The following BTG4 variants were observed in gnomAD, a reference collection of about 807,000 sequenced individuals.
The protein encoded by BTG4 is protein BTG4.
In BTG4, 10 loss-of-function variants were observed where a neutral mutation model predicts 19.3. The observed-to-expected ratio is 0.52, with a 90% CI of 0.32 to 0.88. The LOEUF (loss-of-function observed/expected upper bound fraction) is 0.88. Ranked by LOEUF, BTG4 falls within the 40% of genes least tolerant of loss-of-function variation. The pLI is 0.04. For missense variants in BTG4, 238 were observed against 281.9 expected (o/e 0.84, Z 1.11); for synonymous variants, 91 against 95.7 (o/e 0.95, Z 0.29).
At chr11:111,386,277 A>G in the BTG4 span, 2 of 152,392 alleles carry the variant, frequency 1.3e-5, no homozygotes, top group East Asian at 1.9e-4. Context: ...GCCAAGTTCT[A>G]TTCCAGGCTT....
chr11:111,421,329 A>G, the BTG4 span, among the ~76,000 whole-genome samples: 2 of 152,226 alleles, frequency 1.3e-5, no homozygotes, highest in Non-Finnish European at 2.9e-5. Context: ...TTGCCTCCAT[A>G]CAAAGGAGGA....
the BTG4 span, among the ~76,000 whole-genome samples, chr11:111,438,595 C>T: frequency 1.3e-5 from 2 of 152,188 alleles, no homozygotes; most frequent in Non-Finnish European, 2.9e-5. Flanking sequence ...ACATTTTATT[C>T]ATCTCCATTC....
At chr11:111,429,890 T>C in the BTG4 span, among the ~76,000 whole-genome samples, 8 of 152,322 alleles carry the variant, frequency 5.3e-5, no homozygotes, top group African/African-American at 1.7e-4. Context: ...CATCCCACCA[T>C]CCTTAACACT....
downstream of BTG4, among the ~76,000 whole-genome samples, chr11:111,491,967 A>G (rs1176725584): frequency 2.6e-5 from 4 of 152,102 alleles, no homozygotes; most frequent in Non-Finnish European, 5.9e-5. Context: ...ATTTGCTCAG[A>G]GCCTCCTGAG....
chr11:111,427,113 A>T, the BTG4 span, among the ~76,000 whole-genome samples: 4 of 152,204 alleles, frequency 2.6e-5, no homozygotes, highest in Non-Finnish European at 5.9e-5. Context: ...CTATTGGAAC[A>T]TCTCTTTTCT....
the BTG4 span, chr11:111,451,204 C>T: frequency 6.9e-6 from 2 of 291,332 alleles, no homozygotes; most frequent in African/African-American, 4.3e-5. Flanking sequence ...GCATCAGCCA[C>T]CACTCCCAAA....
At chr11:111,503,913 C>A (rs1866264996) in intron 1 of BTG4, among the ~76,000 whole-genome samples, 1 of 152,008 alleles carries the variant, frequency 6.6e-6, no homozygotes, top group Non-Finnish European at 1.5e-5. Flanking sequence ...TTGGTTTTTG[C>A]TAAACTTCAC....
chr11:111,458,954 C>T, the BTG4 span, among the ~76,000 whole-genome samples: 1 of 152,138 alleles, frequency 6.6e-6, no homozygotes, highest in East Asian at 1.9e-4. Context: ...TAAAATCGTG[C>T]ATACTGGCCG....
chr11:111,480,349 G>A (rs373363564), intron 5 of BTG4, among the ~76,000 whole-genome samples: 4 of 151,992 alleles, frequency 2.6e-5, no homozygotes, highest in East Asian at 3.9e-4. Flanking sequence ...ACAGAGAAAC[G>A]GACAAATCAC....
At chr11:111,438,786 G>T in the BTG4 span, among the ~76,000 whole-genome samples, 2 of 152,146 alleles carry the variant, frequency 1.3e-5, no homozygotes, top group Non-Finnish European at 2.9e-5. Context: ...CAAAAGAGAG[G>T]ATGCTAAAGA....
chr11:111,456,432 AC>A, the BTG4 span: 2 of 437,542 alleles, frequency 4.6e-6, no homozygotes, highest in Non-Finnish European at 9.4e-6. This position sits in a 1 kb window ranked among gnomAD's most constrained non-coding sequence, Gnocchi z 4.2. Flanking sequence ...CCTTCCAGTC[AC>A]CAGCCAAGGG....
intron 1 of BTG4, among the ~76,000 whole-genome samples, chr11:111,506,287 T>C (rs74701565): frequency 0.025 from 3,757 of 152,250 alleles, 88 homozygotes; most frequent in Middle Eastern, 0.085. Flanking sequence ...CACAATGGAA[T>C]ACTACACAAT....
the BTG4 span, among the ~76,000 whole-genome samples, chr11:111,421,450 C>T: frequency 6.6e-6 from 1 of 152,208 alleles, no homozygotes; most frequent in Non-Finnish European, 1.5e-5. Context: ...TTTGCAAAGA[C>T]AAAATTTAGG....
At chr11:111,475,586 GA>G (rs1864353553) in intron 5 of BTG4, among the ~76,000 whole-genome samples, 1 of 152,060 alleles carries the variant, frequency 6.6e-6, no homozygotes, top group Non-Finnish European at 1.5e-5. Context: ...ATCTGAAAGT[GA>G]AGTTTTGGAG....
At chr11:111,419,977 G>C in the BTG4 span, among the ~76,000 whole-genome samples, 144,711 of 152,296 alleles carry the variant, frequency 0.95, 69,223 homozygotes, top group East Asian at 1. Flanking sequence ...GCCAAGACAG[G>C]AGGGAGGTGT....
chr11:111,513,360 G>A (rs1867087933), upstream of BTG4: 3 of 530,380 alleles, frequency 5.7e-6, no homozygotes, highest in Admixed American at 5.8e-5. Context: ...CAACTCAGTT[G>A]AGCTCCAACT....
intron 2 of BTG4, 132 bp from the exon 3 acceptor site, chr11:111,498,267 C>A: frequency 1.1e-6 from 1 of 936,588 alleles, no homozygotes. Context: ...TCAGCCTCCT[C>A]CACCCTCCAC....
intron 5 of BTG4, chr11:111,469,793 G>A (rs1471026973): frequency 6.5e-6 from 1 of 152,684 alleles, no homozygotes; most frequent in African/African-American, 2.4e-5. Flanking sequence ...CAAGGGCCTG[G>A]AGGCCTATTT....
chr11:111,513,088 T>G (rs72550779), upstream of BTG4: 11,241 of 436,682 alleles, frequency 0.026, 242 homozygotes, highest in Middle Eastern at 0.083. Flanking sequence ...CGAGAGAAGA[T>G]GCCTGAGAAG....
Sources: allele counts gnomAD v4.1 joint callset (sites outside exome capture counted in the v4.1 genomes callset), GRCh38; gene constraint gnomAD v4.1.1; non-coding constraint Gnocchi (gnomAD v3.1); transcripts MANE v1.5; gene names NCBI Gene and HGNC (gene_info 2026-07-23, HGNC 2026-07-21).